Variants in MLIP observed in about 807,000 individuals in gnomAD.
The protein encoded by MLIP is muscular LMNA interacting protein.
A neutral mutation model predicts 84.8 loss-of-function variants in MLIP; 79 were observed. The observed-to-expected ratio is 0.93, with a 90% CI of 0.78 to 1.12. MLIP has a LOEUF of 1.12. Ranked by LOEUF, MLIP falls within the 50% of genes most tolerant of loss-of-function variation. The pLI is 0.00. For missense variants in MLIP, 1,257 were observed against 1,160.6 expected, an observed-to-expected ratio of 1.08 and a Z score of -1.21; for synonymous variants, 504 against 463.0, an observed-to-expected ratio of 1.09 and a Z score of -1.14.
At chr6:54,036,930 T>A (rs1381211782) in intron 1 of MLIP, among the ~76,000 whole-genome samples, 1 of 152,006 alleles carries the variant, frequency 6.6e-6, no homozygotes, top group Non-Finnish European at 1.5e-5. Flanking sequence ...AACTGGGGTG[T>A]TGGGATTAGG....
chr6:54,025,571 A>C (rs1176402326), intron 1 of MLIP, among the ~76,000 whole-genome samples: 1 of 152,144 alleles, frequency 6.6e-6, no homozygotes, highest in Non-Finnish European at 1.5e-5. Flanking sequence ...TTGGCATTAC[A>C]TCATTTATTT....
chr6:54,258,643 AATT>A (rs1258359248), intron 13 of MLIP, among the ~76,000 whole-genome samples: 1 of 152,012 alleles, frequency 6.6e-6, no homozygotes, highest in Non-Finnish European at 1.5e-5. Flanking sequence ...CAGCATTGAG[AATT>A]ATTATAATTC....
chr6:54,227,065 G>A (rs1780625350), intron 11 of MLIP, among the ~76,000 whole-genome samples: 1 of 152,172 alleles, frequency 6.6e-6, no homozygotes, highest in South Asian at 2.1e-4. Flanking sequence ...CCCTCTTGCT[G>A]TTGTCATGAC....
chr6:54,210,269 A>G (rs1416767965), intron 11 of MLIP, among the ~76,000 whole-genome samples: 1 of 151,834 alleles, frequency 6.6e-6, no homozygotes, highest in Non-Finnish European at 1.5e-5. Context: ...ACAGTGCTGT[A>G]TGTCCAATTG....
intron 1 of MLIP, chr6:54,043,276 C>G (rs1261714247): frequency 6.6e-6 from 1 of 152,108 alleles, no homozygotes; most frequent in African/African-American, 2.4e-5. Flanking sequence ...AGTGTGAATA[C>G]TGTGCTTTAT....
At chr6:54,237,359 C>A (rs1226353048) in intron 12 of MLIP, among the ~76,000 whole-genome samples, 3 of 151,776 alleles carry the variant, frequency 2.0e-5, no homozygotes, top group Non-Finnish European at 2.9e-5. Context: ...CAGAAAGAGC[C>A]CTGAGGCAAA....
At chr6:54,061,542 G>C (rs971124149) in intron 1 of MLIP, among the ~76,000 whole-genome samples, 1 of 152,164 alleles carries the variant, frequency 6.6e-6, no homozygotes, top group African/African-American at 2.4e-5. Flanking sequence ...TGTGCTCAAA[G>C]CTTCATACCA....
chr6:54,171,673 T>C (rs1775782784), intron 9 of MLIP, among the ~76,000 whole-genome samples: 1 of 151,560 alleles, frequency 6.6e-6, no homozygotes. Flanking sequence ...GCTTATCTTG[T>C]ATGTCTTAAA....
At chr6:54,116,067 A>G (rs182203136) in intron 1 of MLIP, among the ~76,000 whole-genome samples, 63 of 152,326 alleles carry the variant, frequency 4.1e-4, no homozygotes, top group African/African-American at 1.5e-3. Context: ...CATAGCATAC[A>G]GGAATGGAGG....
At chr6:54,178,428 A>G (rs1419685248) in intron 9 of MLIP, among the ~76,000 whole-genome samples, 1 of 151,692 alleles carries the variant, frequency 6.6e-6, no homozygotes, top group Non-Finnish European at 1.5e-5. Flanking sequence ...CTGCTCTGAT[A>G]TTTATTATTT....
At chr6:54,071,245 G>A (rs1766467242) in intron 1 of MLIP, among the ~76,000 whole-genome samples, 1 of 151,906 alleles carries the variant, frequency 6.6e-6, no homozygotes, top group South Asian at 2.1e-4. Context: ...CATCTGCTTT[G>A]CTGTAACAAT....
At position 54,169,533 on chromosome 6, in the gene MLIP, T is replaced by C. The variant is rs1478664963; in HGVS notation, c.2505T>C (p.Pro835=). The C allele has an allele frequency of 6.3e-7, 1 of 1,591,112 alleles. No individual in the cohort carries two copies. The highest frequency in any genetic ancestry group is 8.6e-7 in the Non-Finnish European group (1 of 1,168,760). The change falls in exon 9 of 14, where the codon CCT becomes CCC. Residue 835 remains proline, a synonymous_variant. Transcript: ENST00000502396. The part of the protein sequence containing the change: ...TLLGSDTVKT[P]TTLPRAAGRE... ...TTGTTTTTATTTTCATACAGACTCC[T>C]ACAACTCTTCCAAGAGCAGCTGGTC... is the stretch of plus-strand genomic sequence containing the variant.
chr6:54,060,690 T>C (rs1480450300), intron 1 of MLIP, among the ~76,000 whole-genome samples: 4 of 152,236 alleles, frequency 2.6e-5, no homozygotes, highest in Non-Finnish European at 5.9e-5. Flanking sequence ...TAAATAATTG[T>C]TCTAATTTCT....
rs1167187008 is a variant in MLIP, at chr6:54,137,104, C to T, written c.1035C>T (p.Thr345=). ...TTAGTCACGGAGAAAGTCCGAGAAC[C>T]TCTTCTTCTCCACCGTCCTCCAGTG... ...HVLSHGESPR[T]SSSPPSSSAS... is the part of the protein sequence containing the mutation. Residue 345 remains threonine (T), a synonymous_variant, in exon 4 of 14, where the codon ACC becomes ACT. Transcript: ENST00000502396. The T allele has an allele frequency of 1.3e-6, 2 of 1,535,932 alleles. No homozygotes were observed. The highest frequency in any genetic ancestry group is 4.9e-5 in the East Asian group (2 of 40,920).
At chr6:54,037,154 T>C (rs146573508) in intron 1 of MLIP, among the ~76,000 whole-genome samples, 13 of 152,136 alleles carry the variant, frequency 8.5e-5, no homozygotes, top group Non-Finnish European at 1.6e-4. Flanking sequence ...GTGCTGATTT[T>C]ATCTTCTTTG....
At chr6:54,102,696 G>A (rs1344895108) in intron 1 of MLIP, among the ~76,000 whole-genome samples, 1 of 152,098 alleles carries the variant, frequency 6.6e-6, no homozygotes, top group Non-Finnish European at 1.5e-5. Flanking sequence ...CATAAAGCAT[G>A]CAACCATTTA....
upstream of MLIP, among the ~76,000 whole-genome samples, chr6:54,106,500 G>A (rs114632504): frequency 2.5e-4 from 38 of 152,288 alleles, no homozygotes; most frequent in South Asian, 1.4e-3. Context: ...ACGATGGCAG[G>A]TTCCGCTACT....
chr6:54,160,375 T>G lies in MLIP; in HGVS notation c.2298T>G (p.Asp766Glu). The G allele has an allele frequency of 6.2e-7, 1 of 1,612,118 alleles. No homozygotes were observed. The highest frequency in any genetic ancestry group is 8.5e-7 in the Non-Finnish European group (1 of 1,178,882). ...ATTTCATTTGTCACTAGGCACTAGA[T>G]GAACCAGCCAAGACTGAAAGTGTCT... Reference protein sequence around the residue: ...NTLLLEQKALDEPAKTESVSK... With the variant: ...NTLLLEQKALEEPAKTESVSK... The change falls in exon 6 of 14, where the codon GAT (aspartate) becomes GAG (glutamate). Residue 766 changes from aspartate (D) to glutamate (E), a missense_variant. Physicochemically the swap from Asp to Glu is conservative, Grantham distance 45. Coordinates refer to ENST00000502396, the MANE Select transcript of MLIP (RefSeq NM_001281747.2).
chr6:54,170,630 G>A (rs1303585748), intron 9 of MLIP, among the ~76,000 whole-genome samples: 1 of 151,438 alleles, frequency 6.6e-6, no homozygotes, highest in African/African-American at 2.4e-5. Flanking sequence ...GTCTGATTCT[G>A]GGAAAATTAC....
Sources: gnomAD v4.1 joint callset for allele counts (sites outside exome capture counted in the v4.1 genomes callset) on GRCh38, gnomAD v4.1.1 for gene constraint, MANE v1.5 for transcripts, NCBI Gene and HGNC (gene_info 2026-07-23, HGNC 2026-07-21) for gene names.